The following GSTCD variants were observed in gnomAD, a reference collection of about 807,000 sequenced individuals.
The protein encoded by GSTCD is glutathione S-transferase C-terminal domain containing, also known as glutathione S-transferase C-terminal domain-containing protein.
Under a neutral mutation model 68.3 loss-of-function variants are expected in GSTCD, and 44 were observed. That is an observed-to-expected ratio of 0.64 (90% CI 0.51 to 0.83). The LOEUF (loss-of-function observed/expected upper bound fraction) is 0.83. GSTCD is among the 40% of genes least tolerant of loss of function. The probability of loss-of-function intolerance (pLI) is 0.00; values close to 1 mark genes in which losing one functional copy is unlikely to be tolerated. For synonymous variants in GSTCD, 273 were observed against 255.2 expected (o/e 1.07, Z -0.67); for missense variants, 739 against 735.9 (o/e 1.00, Z -0.05).
At chr4:105,720,141 A>G (rs897242219) in intron 3 of GSTCD, among the ~76,000 whole-genome samples, 2 of 149,448 alleles carry the variant, frequency 1.3e-5, no homozygotes, top group Non-Finnish European at 2.9e-5. Flanking sequence ...TTTTCTGAGT[A>G]GGAAGATCTC....
chr4:105,711,753 G>A (rs1373195274), intron 1 of GSTCD, among the ~76,000 whole-genome samples: 1 of 152,112 alleles, frequency 6.6e-6, no homozygotes, highest in Non-Finnish European at 1.5e-5. Context: ...CACCCAGGTG[G>A]TCTGGCTCAA....
chr4:105,758,829 G>A lies in GSTCD; in HGVS notation c.1240+29330G>A, dbSNP rs11097897. ...GAACCTCTGCTTCATTCCACCTTCA[G>A]TGACATTAATTCGTTCAATTTTTTA... is the stretch of plus-strand genomic sequence containing the variant. On this transcript the variant is annotated intron_variant, in intron 5 of 11. Transcript: ENST00000515279. Among the ~76,000 whole-genome samples the A allele has an allele frequency of 5.4e-3, 823 of 152,194 alleles. 4 individuals are homozygous for A. Among genetic ancestry groups the A allele is most frequent in the Non-Finnish European group, 9.5e-3 (643 of 68,016 alleles).
At chr4:105,782,709 A>G (rs1053048001) in intron 5 of GSTCD, among the ~76,000 whole-genome samples, 5 of 152,044 alleles carry the variant, frequency 3.3e-5, no homozygotes, top group Non-Finnish European at 5.9e-5. Flanking sequence ...CAGGTCCCCT[A>G]GTAGCTGGGA....
intron 5 of GSTCD, among the ~76,000 whole-genome samples, chr4:105,817,373 ATTAT>A (rs1043685201): frequency 1.9e-4 from 29 of 151,902 alleles, no homozygotes; most frequent in African/African-American, 7.0e-4. Context: ...TTTTTAGTTA[ATTAT>A]TTAATTATTG....
At chr4:105,809,776 A>G (rs999854148) in intron 5 of GSTCD, among the ~76,000 whole-genome samples, 14 of 151,792 alleles carry the variant, frequency 9.2e-5, no homozygotes, top group African/African-American at 1.7e-4. Context: ...TCCACTTTCA[A>G]TGTAAGTCTT....
chr4:105,813,273 ATTCAGTGGAC>A (rs1722827984), intron 5 of GSTCD, among the ~76,000 whole-genome samples: 5 of 152,218 alleles, frequency 3.3e-5, no homozygotes, highest in African/African-American at 1.2e-4. Context: ...AAGAATATCC[ATTCAGTGGAC>A]TTCATATATA....
chr4:105,800,338 T>G (rs1736059788), intron 5 of GSTCD, among the ~76,000 whole-genome samples: 2 of 152,138 alleles, frequency 1.3e-5, no homozygotes, highest in Admixed American at 1.3e-4. Flanking sequence ...ACCCCCATAA[T>G]TCAATCACCT....
At chr4:105,791,454 T>A (rs532772205) in intron 5 of GSTCD, among the ~76,000 whole-genome samples, 1 of 151,976 alleles carries the variant, frequency 6.6e-6, no homozygotes, top group Non-Finnish European at 1.5e-5. Context: ...TATTTGGTTG[T>A]TGATGAGTAA....
chr4:105,808,812 C>A (rs1201207459), intron 5 of GSTCD, among the ~76,000 whole-genome samples: 3 of 152,090 alleles, frequency 2.0e-5, no homozygotes, highest in Non-Finnish European at 4.4e-5. Flanking sequence ...CTGGCACAAT[C>A]CCACTGCGTT....
At chr4:105,833,785 C>T (rs1723999109) in intron 8 of GSTCD, among the ~76,000 whole-genome samples, 1 of 149,950 alleles carries the variant, frequency 6.7e-6, no homozygotes, top group South Asian at 2.1e-4. Flanking sequence ...TTTAAAAACA[C>T]TTAAAAATCG....
intron 5 of GSTCD, among the ~76,000 whole-genome samples, chr4:105,802,900 T>C (rs946598327): frequency 6.6e-6 from 1 of 152,046 alleles, no homozygotes; most frequent in Admixed American, 6.6e-5. Flanking sequence ...AAGAAGTCTC[T>C]GATCTCTTGA....
In GSTCD at chr4:105,722,837, G is replaced by T. The variant is rs140791848; in HGVS notation, c.894+3310G>T. ...TAATGGTTTTGATCTTATGAGCCAG[G>T]TAACTATTTGGTAATCATTCCTTAT... On this transcript the variant is annotated intron_variant, in intron 3 of 11. Coordinates refer to ENST00000515279, the MANE Select transcript of GSTCD (RefSeq NM_001370181.1). 4.2e-3 allele frequency among the ~76,000 whole-genome samples: 639 copies of T among 151,578 alleles called. 2 individuals carry two copies. The highest frequency in any genetic ancestry group is 0.024 in the Middle Eastern group (7 of 294).
intron 5 of GSTCD, among the ~76,000 whole-genome samples, chr4:105,784,625 TGA>T (rs1239126946): frequency 6.6e-6 from 1 of 152,222 alleles, no homozygotes; most frequent in African/African-American, 2.4e-5. Context: ...TGCAAAATTG[TGA>T]CTTTCTAGCA....
intron 5 of GSTCD, among the ~76,000 whole-genome samples, chr4:105,734,524 G>C (rs1009861494): frequency 6.6e-6 from 1 of 152,134 alleles, no homozygotes; most frequent in African/African-American, 2.4e-5. Flanking sequence ...TCTTGCCATG[G>C]TTTTCAGCTC....
At chr4:105,798,661 G>A (rs1169429858) in intron 5 of GSTCD, among the ~76,000 whole-genome samples, 1 of 152,090 alleles carries the variant, frequency 6.6e-6, no homozygotes, top group Non-Finnish European at 1.5e-5. Context: ...ATATTTTAAA[G>A]GGAATCTTTT....
intron 5 of GSTCD, among the ~76,000 whole-genome samples, chr4:105,819,611 A>G (rs1723177780): frequency 6.6e-6 from 1 of 151,772 alleles, no homozygotes; most frequent in South Asian, 2.1e-4. Context: ...AAAGCATGAT[A>G]AATGACCATT....
chr4:105,799,594 A>T (rs891414649), intron 5 of GSTCD, among the ~76,000 whole-genome samples: 3 of 152,112 alleles, frequency 2.0e-5, no homozygotes, highest in African/African-American at 7.2e-5. Flanking sequence ...AACACACACA[A>T]CATTTATTGA....
At chr4:105,798,109 T>C (rs570254416) in intron 5 of GSTCD, among the ~76,000 whole-genome samples, 3 of 152,298 alleles carry the variant, frequency 2.0e-5, no homozygotes, top group South Asian at 4.1e-4. Flanking sequence ...AGCATCTTCA[T>C]CAGGAGTAGA....
intron 5 of GSTCD, among the ~76,000 whole-genome samples, chr4:105,752,692 T>G (rs951291272): frequency 6.6e-6 from 1 of 152,096 alleles, no homozygotes; most frequent in African/African-American, 2.4e-5. Flanking sequence ...ACTAGGCAAG[T>G]TTGAAAATTA....
Sources: gnomAD v4.1 joint callset for allele counts (sites outside exome capture counted in the v4.1 genomes callset) on GRCh38, gnomAD v4.1.1 for gene constraint, MANE v1.5 for transcripts, NCBI Gene and HGNC (gene_info 2026-07-23, HGNC 2026-07-21) for gene names.